The following SIPA1L2 variants were observed in gnomAD, a reference collection of about 807,000 sequenced individuals.
SIPA1L2 encodes signal-induced proliferation-associated 1-like protein 2.
SIPA1L2 carries 56 observed loss-of-function variants against 163.9 expected under a neutral mutation model. The ratio of observed to expected loss-of-function variants is 0.34; its 90% CI spans 0.28 to 0.43. SIPA1L2 has a LOEUF of 0.43. Ranked by LOEUF, SIPA1L2 falls within the 20% of genes least tolerant of loss-of-function variation. SIPA1L2 has a pLI of 1.00. For synonymous variants in SIPA1L2, 877 were observed against 865.7 expected (o/e 1.01, Z -0.23); for missense variants, 1,974 against 2,193.5 (o/e 0.90, Z 2.00).
chr1:232,471,302 T>C (rs902558444), intron 8 of SIPA1L2, 69 bp downstream of exon 8: 2 of 1,493,314 alleles, frequency 1.3e-6, no homozygotes, highest in African/African-American at 1.4e-5. Flanking sequence ...CAAACAAAGA[T>C]ATTTTTGGGA....
intron 2 of SIPA1L2, among the ~76,000 whole-genome samples, chr1:232,572,605 T>C (rs1166046748): frequency 6.6e-6 from 1 of 150,980 alleles, no homozygotes; most frequent in Admixed American, 6.6e-5. Flanking sequence ...TCGTAGTGGA[T>C]ATCCACCCCC....
rs754793701 is a variant in SIPA1L2, at chr1:232,490,999, C to T, written c.1681G>A (p.Ala561Thr). The change falls in exon 5 of 23, where the codon GCA becomes ACA. Residue 561 changes from alanine to threonine, a missense_variant. By Grantham distance (58) the Ala-to-Thr change is moderately conservative (BLOSUM62 0). Around this residue, in one of 3 missense-constraint regions of SIPA1L2, gnomAD observed 288 missense variants for 418.9 expected, o/e 0.69. Transcript: ENST00000674635. The part of the protein sequence containing the change: ...AIPSTARHGT[A>T]RGLPLKEVLE... ...ACTTCTTTGAGAGGTAGTCCTCGTG[C>T]GGTACCATGCCTAGCAGTAGAGGGT... is the stretch of plus-strand genomic sequence containing the variant. The T allele has an allele frequency of 2.9e-5, 46 of 1,613,968 alleles. No individual in the cohort carries two copies. Among genetic ancestry groups the T allele is most frequent in the Admixed American group, 1.3e-4 (8 of 59,992 alleles).
intron 4 of SIPA1L2, among the ~76,000 whole-genome samples, chr1:232,491,812 T>C (rs1665944960): frequency 6.6e-6 from 1 of 152,150 alleles, no homozygotes; most frequent in Non-Finnish European, 1.5e-5. Context: ...GTCATAAGGA[T>C]ACCTAACGTT....
chr1:232,475,331 C>G (rs1171721308), intron 7 of SIPA1L2, among the ~76,000 whole-genome samples: 1 of 152,198 alleles, frequency 6.6e-6, no homozygotes, highest in Non-Finnish European at 1.5e-5. Context: ...CTCCCCTTCA[C>G]CCAGAGGGTT....
In SIPA1L2 at chr1:232,398,145, G is replaced by A. The variant is rs1477817405; in HGVS notation, c.*982C>T. On this transcript the variant is annotated 3_prime_UTR_variant, in exon 23 of 23. Coordinates refer to ENST00000674635, the MANE Select transcript of SIPA1L2 (RefSeq NM_020808.5). ...TGCAAGCTCAGTCTCTTCTGAGCCTGCAGCTACCTCCATCCCTCATCGTAG... is the reference window on the plus strand; with the variant it reads ...TGCAAGCTCAGTCTCTTCTGAGCCTACAGCTACCTCCATCCCTCATCGTAG... The A allele has an allele frequency of 1.3e-5, 2 of 152,604 alleles. No individual in the cohort carries two copies. Among genetic ancestry groups the A allele is most frequent in the Non-Finnish European group, 2.9e-5 (2 of 68,036 alleles). The allele number at this position is 152,604 out of a possible 1,614,324, so 9.5% of individuals were successfully genotyped here.
intron 2 of SIPA1L2, among the ~76,000 whole-genome samples, chr1:232,558,573 GCTA>G (rs999404814): frequency 1.8e-4 from 27 of 152,112 alleles, no homozygotes; most frequent in African/African-American, 4.8e-4. Flanking sequence ...CACATACTCC[GCTA>G]CTGAGTTTGG....
chr1:232,557,088 G>C (rs1658756213), intron 2 of SIPA1L2, among the ~76,000 whole-genome samples: 1 of 152,204 alleles, frequency 6.6e-6, no homozygotes. Context: ...ATAAAATACT[G>C]ATAGGAGGTG....
intron 22 of SIPA1L2, among the ~76,000 whole-genome samples, chr1:232,399,795 A>T (rs1416923947): frequency 6.6e-6 from 1 of 152,228 alleles, no homozygotes; most frequent in Non-Finnish European, 1.5e-5. Context: ...CAGAAGAATC[A>T]CATCTGGAGT....
At position 232,579,675 on chromosome 1, in the gene SIPA1L2, C is replaced by T. The variant is rs540787434; in HGVS notation, c.-318-5453G>A. Among the ~76,000 whole-genome samples the T allele has an allele frequency of 3.3e-5, 5 of 152,324 alleles. No homozygotes were observed. The East Asian group carries it at 9.6e-4, about 29-fold the overall frequency. On this transcript the variant is annotated intron_variant, in intron 1 of 22. Transcript: ENST00000674635. ...ATGCAATCTAATCTAACCTCTGATG[C>T]TCCTCAGTGAGCTTCCCTATTCCAT...
At chr1:232,548,938 C>T (rs920260067) in intron 2 of SIPA1L2, among the ~76,000 whole-genome samples, 1 of 152,230 alleles carries the variant, frequency 6.6e-6, no homozygotes, top group Non-Finnish European at 1.5e-5. Context: ...GCCAGCTGTG[C>T]AGGGAGGAGC....
rs930521450 is a variant in SIPA1L2, at chr1:232,462,111, A to C, written c.2821-950T>G. The C allele has an allele frequency of 5.9e-6, 6 of 1,021,448 alleles. No homozygotes were observed. In the South Asian group the frequency reaches 8.1e-5, roughly 14 times the overall value. 63.3% of individuals were successfully genotyped at this position (1,021,448 alleles called of 1,614,324 possible). On this transcript the variant is annotated intron_variant, in intron 9 of 22. Coordinates refer to ENST00000674635, the MANE Select transcript of SIPA1L2 (RefSeq NM_020808.5). Reference sequence around the variant, plus strand: ...AGAGAGTCAACAGCAGTTCCACAAAAAGGAACATGAAAGAAGAATGGTGGA... The same window carrying C: ...AGAGAGTCAACAGCAGTTCCACAAACAGGAACATGAAAGAAGAATGGTGGA...
At position 232,403,513 on chromosome 1, in the gene SIPA1L2, T is replaced by C. The variant is rs1442972834; in HGVS notation, c.4875A>G (p.Glu1625=). The C allele has an allele frequency of 3.8e-5, 62 of 1,614,010 alleles. No homozygotes were observed. The highest frequency in any genetic ancestry group is 5.0e-5 in the Non-Finnish European group (59 of 1,180,008). The stretch of plus-strand genomic sequence containing the variant: ...CACATAAGGGCAGCTCTTGGGCCCC[T>C]TCCAGGTCCTGCCCATGCTGCATAT... ...LTDMQHGQDL[E]GAQELPLCVD... Residue 1625 remains glutamate, a synonymous_variant, in exon 21 of 23, where the codon GAA becomes GAG. Coordinates refer to ENST00000674635, the MANE Select transcript of SIPA1L2 (RefSeq NM_020808.5).
chr1:232,572,768 T>TATACATACATAC (rs1659859963), intron 2 of SIPA1L2, among the ~76,000 whole-genome samples: 1 of 82,396 alleles, frequency 1.2e-5, no homozygotes, highest in African/African-American at 3.7e-5. Flanking sequence ...TATATATATA[T>TATACATACATAC]ATATATATAT....
At chr1:232,483,514 A>G (rs908250125) in intron 6 of SIPA1L2, among the ~76,000 whole-genome samples, 1 of 152,216 alleles carries the variant, frequency 6.6e-6, no homozygotes, top group Non-Finnish European at 1.5e-5. Context: ...GAAAGAAGAA[A>G]ATATTAAACA....
chr1:232,436,282 C>A (rs1662557504), intron 15 of SIPA1L2, among the ~76,000 whole-genome samples: 1 of 152,236 alleles, frequency 6.6e-6, no homozygotes, highest in Non-Finnish European at 1.5e-5. Flanking sequence ...ACCCTATCAG[C>A]TCAAAACACG....
intron 1 of SIPA1L2, among the ~76,000 whole-genome samples, chr1:232,619,421 T>C (rs1174149742): frequency 6.6e-6 from 1 of 152,244 alleles, no homozygotes; most frequent in Non-Finnish European, 1.5e-5. Flanking sequence ...AGTTAGTTAG[T>C]TCATCACCTA....
chr1:232,528,421 CT>C (rs1365497903), intron 2 of SIPA1L2, among the ~76,000 whole-genome samples: 1 of 152,120 alleles, frequency 6.6e-6, no homozygotes, highest in East Asian at 1.9e-4. Context: ...TTACACACAG[CT>C]TTTTAAAAAT....
At chr1:232,477,627 T>A (rs1254613529) in intron 7 of SIPA1L2, among the ~76,000 whole-genome samples, 1 of 152,240 alleles carries the variant, frequency 6.6e-6, no homozygotes, top group African/African-American at 2.4e-5. Flanking sequence ...TCCTCCTCTA[T>A]CCCCCAGTTG....
intron 5 of SIPA1L2, among the ~76,000 whole-genome samples, chr1:232,490,505 T>A (rs923599997): frequency 1.1e-4 from 17 of 152,188 alleles, no homozygotes; most frequent in African/African-American, 4.1e-4. Context: ...GTCAGCATGA[T>A]GCCTTCCACA....
Sources: gnomAD v4.1 joint callset for allele counts (sites outside exome capture counted in the v4.1 genomes callset) on GRCh38, gnomAD v4.1.1 for gene constraint, gnomAD v4.1.1 regional missense constraint, MANE v1.5 for transcripts, NCBI Gene and HGNC (gene_info 2026-07-23, HGNC 2026-07-21) for gene names.